The following PLXNC1 variants were observed in gnomAD, a reference collection of about 807,000 sequenced individuals.
The protein encoded by PLXNC1 is plexin C1.
A neutral mutation model predicts 178.2 loss-of-function variants in PLXNC1; 75 were observed. The ratio of observed to expected loss-of-function variants is 0.42; its 90% CI spans 0.35 to 0.51. The LOEUF is 0.51. Among genes scored for constraint, PLXNC1 ranks in the 20% least tolerant of loss-of-function variants. The pLI is 0.02. For synonymous variants in PLXNC1, 790 were observed against 779.9 expected (o/e 1.01, Z -0.22); for missense variants, 1,503 against 1,984.4 (o/e 0.76, Z 4.61).
chr12:94,285,628 G>A (rs1208255435), intron 23 of PLXNC1, among the ~76,000 whole-genome samples: 2 of 152,296 alleles, frequency 1.3e-5, no homozygotes, highest in Non-Finnish European at 1.5e-5. Context: ...GGAATAAGGG[G>A]CATCTTTGGC....
At position 94,148,950 on chromosome 12, in the gene PLXNC1, C is replaced by T; in HGVS notation, c.-22C>T. The T allele has an allele frequency of 4.7e-6, 5 of 1,064,674 alleles. No homozygotes were observed. The highest frequency in any genetic ancestry group is 2.4e-6 in the Non-Finnish European group (2 of 833,590). 66.0% of individuals were successfully genotyped at this position (1,064,674 alleles called of 1,614,324 possible). The stretch of plus-strand genomic sequence containing the variant: ...CGCCGTCGCCGCCGCGCGCCCTGCC[C>T]GGGGGCGGCCCCCCCAGCCCCATGG... On this transcript the variant is annotated 5_prime_UTR_variant, in exon 1 of 31. Transcript: ENST00000258526. The surrounding 1 kb of genome is among the most constrained non-coding windows in gnomAD (Gnocchi z 4.8).
chr12:94,296,301 C>T (rs972868036), intron 24 of PLXNC1, among the ~76,000 whole-genome samples: 4 of 152,114 alleles, frequency 2.6e-5, no homozygotes, highest in South Asian at 2.1e-4. Flanking sequence ...GCTGGGATTA[C>T]AGGAGTGTGC....
chr12:94,190,775 T>G (rs1236712039), intron 4 of PLXNC1, among the ~76,000 whole-genome samples: 1 of 152,256 alleles, frequency 6.6e-6, no homozygotes, highest in Non-Finnish European at 1.5e-5. Context: ...CTTTGTTTAC[T>G]TAACCCCAGA....
intron 9 of PLXNC1, chr12:94,227,573 T>C (rs1168937249): frequency 4.2e-6 from 1 of 236,908 alleles, no homozygotes. Context: ...CTTTATATAA[T>C]TGCGTTTCTG....
intron 21 of PLXNC1, chr12:94,277,781 A>G (rs1316101765): frequency 5.5e-6 from 2 of 364,638 alleles, no homozygotes; most frequent in Non-Finnish European, 1.1e-5. Context: ...TTTATTGCCG[A>G]TACTATCATC....
At chr12:94,247,177 G>A (rs1380187492) in intron 12 of PLXNC1, among the ~76,000 whole-genome samples, 4 of 152,004 alleles carry the variant, frequency 2.6e-5, no homozygotes, top group African/African-American at 4.8e-5. Context: ...TTCCCACAGC[G>A]CTGGGATTAC....
chr12:94,195,085 A>G (rs1473465900), intron 4 of PLXNC1, among the ~76,000 whole-genome samples: 1 of 152,116 alleles, frequency 6.6e-6, no homozygotes, highest in South Asian at 2.1e-4. Context: ...TGTAGAAGGA[A>G]GGAAGTGGGT....
At chr12:94,224,119 T>C (rs2136024774) in intron 6 of PLXNC1, 109 bp from the exon 7 acceptor site, 1 of 745,212 alleles carries the variant, frequency 1.3e-6, no homozygotes, top group Non-Finnish European at 2.5e-6. Flanking sequence ...GGCACGCTCC[T>C]GCCCACTATG....
At chr12:94,157,860 TA>T (rs1961232330) in intron 1 of PLXNC1, among the ~76,000 whole-genome samples, 2 of 152,224 alleles carry the variant, frequency 1.3e-5, no homozygotes, top group African/African-American at 4.8e-5. Context: ...GGACAATACA[TA>T]AATGAGCAGG....
At chr12:94,255,372 G>T in intron 17 of PLXNC1, 76 bp downstream of exon 17, 1 of 1,016,522 alleles carries the variant, frequency 9.8e-7, no homozygotes, top group Non-Finnish European at 1.6e-6. Flanking sequence ...TTGTCAAAAC[G>T]AGTGTTTGCT....
chr12:94,289,165 C>T (rs1209939956), intron 23 of PLXNC1, among the ~76,000 whole-genome samples: 1 of 151,988 alleles, frequency 6.6e-6, no homozygotes, highest in African/African-American at 2.4e-5. Context: ...AGAAATCTTA[C>T]CTTCACTTGC....
chr12:94,163,267 A>G (rs1477597021), intron 1 of PLXNC1, among the ~76,000 whole-genome samples: 11 of 152,116 alleles, frequency 7.2e-5, no homozygotes. Context: ...CTGAGGCAGG[A>G]GAATCGCTTG....
chr12:94,153,489 T>C lies in PLXNC1; in HGVS notation c.1062+3456T>C, dbSNP rs139315923. 2.9e-3 allele frequency among the ~76,000 whole-genome samples: 438 copies of C among 152,340 alleles called. 3 individuals carry two copies. The highest frequency in any genetic ancestry group is 4.4e-3 in the Non-Finnish European group (301 of 68,026). On this transcript the variant is annotated intron_variant, in intron 1 of 30. Transcript: ENST00000258526. ...TTTTAATTATGCACAAGTTAATCAA[T>C]TTGACTTCCTACCTTTCTGAACTCT...
intron 20 of PLXNC1, among the ~76,000 whole-genome samples, chr12:94,264,296 G>A (rs1412668513): frequency 2.0e-5 from 3 of 152,164 alleles, no homozygotes; most frequent in African/African-American, 7.2e-5. Flanking sequence ...TTCCATCACA[G>A]CAGGGGAGGC....
chr12:94,201,934 T>A (rs1040471232), intron 4 of PLXNC1, among the ~76,000 whole-genome samples: 102 of 151,858 alleles, frequency 6.7e-4, no homozygotes, highest in Admixed American at 2.0e-3. Flanking sequence ...GCCCAGCTAA[T>A]TTTTTGTATT....
chr12:94,150,460 G>A lies in PLXNC1; in HGVS notation c.1062+427G>A, dbSNP rs140716187. Among the ~76,000 whole-genome samples, 363 of 152,300 alleles carry A rather than the reference G, an allele frequency of 2.4e-3. 1 individual carries two copies. The highest frequency in any genetic ancestry group is 6.8e-3 in the Middle Eastern group (2 of 294). ...GTCTGACCCTCTTGGTCAACAGTTA[G>A]CAACACAGTGCCCTCGGCAGAGAAG... On this transcript the variant is annotated intron_variant, in intron 1 of 30. Coordinates refer to ENST00000258526, the MANE Select transcript of PLXNC1 (RefSeq NM_005761.3).
chr12:94,169,346 C>T, intron 2 of PLXNC1, 53 bp downstream of exon 2: 1 of 1,488,374 alleles, frequency 6.7e-7, no homozygotes, highest in Non-Finnish European at 9.1e-7. Flanking sequence ...ATATTTTGTA[C>T]TTTAAAAAAA....
At chr12:94,268,401 A>G (rs760429494) in intron 21 of PLXNC1, among the ~76,000 whole-genome samples, 42 of 152,090 alleles carry the variant, frequency 2.8e-4, no homozygotes, top group Non-Finnish European at 5.7e-4. Flanking sequence ...CTCCAGGACC[A>G]TAAGAAACCA....
chr12:94,160,360 GCT>G lies in PLXNC1; in HGVS notation c.1063-8790_1063-8789del, dbSNP rs564011264. ...GCGTCCAAGAGGAGTTGACACTGGG[GCT>G]CTGTTTTGAGGAAAAGTAAAAGCTG... On this transcript the variant is annotated intron_variant, in intron 1 of 30. Transcript: ENST00000258526. 1.8e-3 allele frequency among the ~76,000 whole-genome samples: 277 copies of G among 152,288 alleles called. 3 individuals are homozygous for G. Among genetic ancestry groups the G allele is most frequent in the Admixed American group, 0.016 (243 of 15,304 alleles).
Sources: allele counts gnomAD v4.1 joint callset (sites outside exome capture counted in the v4.1 genomes callset), GRCh38; gene constraint gnomAD v4.1.1; non-coding constraint Gnocchi (gnomAD v3.1); transcripts MANE v1.5; gene names NCBI Gene and HGNC (gene_info 2026-07-23, HGNC 2026-07-21).